Variants in CPNE4 observed in about 807,000 individuals in gnomAD.
CPNE4 encodes the protein copine 4.
Under a neutral mutation model 67.9 loss-of-function variants are expected in CPNE4, and 25 were observed. That is an observed-to-expected ratio of 0.37 (90% confidence interval 0.27 to 0.51). The LOEUF (loss-of-function observed/expected upper bound fraction) is 0.51, where lower values mean the gene tolerates loss of function less well. CPNE4 is among the 20% of genes least tolerant of loss of function. The pLI is 0.93. For synonymous variants in CPNE4, 242 were observed against 244.9 expected (o/e 0.99, Z 0.11); for missense variants, 464 against 690.8 (o/e 0.67, Z 3.68).
At chr3:131,779,543 A>G (rs990630742) in intron 2 of CPNE4, among the ~76,000 whole-genome samples, 2 of 152,160 alleles carry the variant, frequency 1.3e-5, no homozygotes, top group East Asian at 1.9e-4. Flanking sequence ...ACCTACAACC[A>G]TGTCATTGTC....
intron 7 of CPNE4, among the ~76,000 whole-genome samples, chr3:131,667,930 G>A (rs931110839): frequency 6.6e-6 from 1 of 152,168 alleles, no homozygotes; most frequent in African/African-American, 2.4e-5. Flanking sequence ...CTGGGAATAG[G>A]AGGGTGCTAC....
intron 1 of CPNE4, among the ~76,000 whole-genome samples, chr3:131,965,268 G>A (rs113903679): frequency 0.022 from 3,413 of 152,234 alleles, 57 homozygotes; most frequent in South Asian, 0.065. Context: ...CACTGCAAAA[G>A]CATTCCAAAA....
At chr3:131,602,669 G>C (rs1306694198) in intron 7 of CPNE4, among the ~76,000 whole-genome samples, 1 of 152,142 alleles carries the variant, frequency 6.6e-6, no homozygotes, top group East Asian at 1.9e-4. Flanking sequence ...AAACTCCCAT[G>C]GTTGTGTGGA....
chr3:131,942,471 A>T (rs200712630), intron 1 of CPNE4, among the ~76,000 whole-genome samples: 6,103 of 49,132 alleles, frequency 0.12, 119 homozygotes, highest in Admixed American at 0.15. Context: ...TGTGAGAGAG[A>T]GAGAGAGAGA....
intron 15 of CPNE4, among the ~76,000 whole-genome samples, chr3:131,537,283 G>GTTTTTTT (rs756997599): frequency 8.1e-6 from 1 of 123,858 alleles, no homozygotes. Flanking sequence ...TTTCTTTTCT[G>GTTTTTTT]TTTTTTTTTT....
At chr3:131,743,461 G>T (rs2082403269) in intron 2 of CPNE4, among the ~76,000 whole-genome samples, 1 of 152,002 alleles carries the variant, frequency 6.6e-6, no homozygotes, top group African/African-American at 2.4e-5. Context: ...CAAAAAAGTA[G>T]AAAAATAGAA....
chr3:131,593,838 A>G (rs1938681002), intron 7 of CPNE4, among the ~76,000 whole-genome samples: 1 of 152,078 alleles, frequency 6.6e-6, no homozygotes, highest in South Asian at 2.1e-4. Flanking sequence ...CAGCCTCCCA[A>G]GTAGCTGGGA....
chr3:131,965,741 T>A (rs570110299), intron 1 of CPNE4, among the ~76,000 whole-genome samples: 1 of 152,312 alleles, frequency 6.6e-6, no homozygotes, highest in South Asian at 2.1e-4. Context: ...CTTAGAGATC[T>A]ATAAAGAGAC....
chr3:131,562,165 AGGGAACAAAAAAT>A (rs1387559695), intron 11 of CPNE4, among the ~76,000 whole-genome samples: 1 of 151,940 alleles, frequency 6.6e-6, no homozygotes, highest in African/African-American at 2.4e-5. Flanking sequence ...TGCATTTTTG[AGGGAACAAAAAAT>A]GCTCCCCAGA....
intron 1 of CPNE4, among the ~76,000 whole-genome samples, chr3:131,987,845 A>G (rs1243998197): frequency 6.6e-6 from 1 of 152,164 alleles, no homozygotes; most frequent in East Asian, 1.9e-4. Context: ...TTTGAGTCTC[A>G]AGGCTCTAGA....
chr3:131,820,277 ATGACAGCCCAG>A (rs1375536605), intron 2 of CPNE4, among the ~76,000 whole-genome samples: 4 of 152,240 alleles, frequency 2.6e-5, no homozygotes, highest in African/African-American at 9.6e-5. Flanking sequence ...TTGTGCTGTG[ATGACAGCCCAG>A]TGACAGCCTT....
At chr3:131,573,135 C>A (rs997769922) in intron 10 of CPNE4, among the ~76,000 whole-genome samples, 9 of 152,066 alleles carry the variant, frequency 5.9e-5, no homozygotes, top group Non-Finnish European at 1.5e-5. Flanking sequence ...CCTAGCAATT[C>A]TCTTCTGAGT....
intron 2 of CPNE4, among the ~76,000 whole-genome samples, chr3:131,773,606 C>G (rs2083223378): frequency 6.6e-6 from 1 of 152,010 alleles, no homozygotes; most frequent in Non-Finnish European, 1.5e-5. Context: ...CCTTGGTCTC[C>G]CAGAGTGCTG....
intron 7 of CPNE4, among the ~76,000 whole-genome samples, chr3:131,594,033 T>C (rs1450952052): frequency 6.6e-6 from 1 of 152,152 alleles, no homozygotes; most frequent in African/African-American, 2.4e-5. Context: ...TCCAGGACTA[T>C]GTTAAATGGA....
intron 7 of CPNE4, among the ~76,000 whole-genome samples, chr3:131,659,010 C>T (rs72983631): frequency 0.021 from 3,224 of 152,232 alleles, 119 homozygotes; most frequent in African/African-American, 0.073. Context: ...TTCCTGTTGA[C>T]AAGGCTAGGT....
At chr3:131,958,614 T>TTTTTTTC (rs2072057567) in intron 1 of CPNE4, among the ~76,000 whole-genome samples, 2 of 26,030 alleles carry the variant, frequency 7.7e-5, no homozygotes, top group African/African-American at 2.2e-4. Flanking sequence ...CTTTTCTTTT[T>TTTTTTTC]TTTTTTTTTT....
At chr3:131,901,852 G>GTTT (rs10662785) in intron 2 of CPNE4, among the ~76,000 whole-genome samples, 30,954 of 151,910 alleles carry the variant, frequency 0.2, 3,834 homozygotes, top group Non-Finnish European at 0.27. Flanking sequence ...AGTGTCTGTG[G>GTTT]TGTAAATACT....
chr3:131,759,549 G>A (rs2082838683), intron 2 of CPNE4, among the ~76,000 whole-genome samples: 1 of 151,972 alleles, frequency 6.6e-6, no homozygotes, highest in Non-Finnish European at 1.5e-5. Context: ...AATGGACATG[G>A]AGCCCTTAGG....
intron 3 of CPNE4, among the ~76,000 whole-genome samples, chr3:131,710,856 T>C (rs1265195762): frequency 1.3e-5 from 2 of 152,122 alleles, no homozygotes; most frequent in African/African-American, 4.8e-5. Flanking sequence ...AGCTTAAAGG[T>C]AAGGGAAAAG....
Sources: allele counts gnomAD v4.1 joint callset (sites outside exome capture counted in the v4.1 genomes callset), GRCh38; gene constraint gnomAD v4.1.1; transcripts MANE v1.5; gene names NCBI Gene and HGNC (gene_info 2026-07-23, HGNC 2026-07-21).